Variants in ARAP2 observed in about 807,000 individuals in gnomAD.
ARAP2 encodes the protein arf-GAP with Rho-GAP domain, ANK repeat and PH domain-containing protein 2.
ARAP2 carries 148 observed loss-of-function variants against 194.5 expected under a neutral mutation model. The observed-to-expected ratio is 0.76, with a 90% CI of 0.67 to 0.87. ARAP2 has a LOEUF of 0.87. Ranked by LOEUF, ARAP2 falls within the 40% of genes least tolerant of loss-of-function variation. The pLI, the probability that ARAP2 is intolerant of heterozygous loss-of-function variation, is 0.00. For synonymous variants in ARAP2, 695 were observed against 683.5 expected (o/e 1.02, Z -0.26); for missense variants, 2,128 against 1,989.7 (o/e 1.07, Z -1.32).
Position 36,126,376 on chromosome 4 carries a change from A to C in ARAP2, c.3641-1409T>G, listed in dbSNP as rs185874694. On this transcript the variant is annotated intron_variant, in intron 21 of 32. Coordinates refer to ENST00000303965, the MANE Select transcript of ARAP2 (RefSeq NM_015230.4). ...AGATGATATTTTCAAAATAAAGCTA[A>C]ATAAATTGAAAGTAAAACTCAGGAA... Among the ~76,000 whole-genome samples the C allele has an allele frequency of 2.0e-5, 3 of 152,172 alleles. No homozygotes were observed. In the East Asian group the frequency reaches 5.8e-4, roughly 30 times the overall value.
In ARAP2 at chr4:36,136,003, C is replaced by G. The variant is rs997834940; in HGVS notation, c.3264-2614G>C. Among the ~76,000 whole-genome samples, 4 of 151,720 alleles carry G rather than the reference C, an allele frequency of 2.6e-5. 1 individual carries two copies. The highest frequency in any genetic ancestry group is 9.7e-5 in the African/African-American group (4 of 41,362). On this transcript the variant is annotated intron_variant, in intron 19 of 32. Coordinates refer to ENST00000303965, the MANE Select transcript of ARAP2 (RefSeq NM_015230.4). Reference sequence around the variant, plus strand: ...CACTGATGATGAGTTGAGCTGTCTCCTCATGAATTAGTGAAGAGTAGAACT... The same window carrying G: ...CACTGATGATGAGTTGAGCTGTCTCGTCATGAATTAGTGAAGAGTAGAACT...
chr4:36,052,395 T>C (rs1722809651), intron 2 of ARAP2, among the ~76,000 whole-genome samples: 1 of 152,218 alleles, frequency 6.6e-6, no homozygotes, highest in African/African-American at 2.4e-5. Flanking sequence ...CAAATCAATG[T>C]TAATTGAGTT....
At chr4:36,053,519 A>G (rs1447094496) in intron 2 of ARAP2, among the ~76,000 whole-genome samples, 1 of 152,190 alleles carries the variant, frequency 6.6e-6, no homozygotes, top group Non-Finnish European at 1.5e-5. Flanking sequence ...GATGTTTTCC[A>G]TCAAGATGCT....
At chr4:36,160,061 A>T (rs1188827831) in intron 13 of ARAP2, 1 of 975,178 alleles carries the variant, frequency 1.0e-6, no homozygotes, top group Admixed American at 6.1e-5. Flanking sequence ...TATGTTATAT[A>T]TCATCTTTGT....
intron 19 of ARAP2, among the ~76,000 whole-genome samples, chr4:36,145,256 G>A (rs1578059921): frequency 6.6e-6 from 1 of 151,832 alleles, no homozygotes; most frequent in African/African-American, 2.4e-5. Flanking sequence ...CTATTCACAA[G>A]AGTAAAGACG....
chr4:36,103,724 CCTAT>C (rs1356039379), intron 27 of ARAP2, among the ~76,000 whole-genome samples: 1 of 151,758 alleles, frequency 6.6e-6, no homozygotes, highest in Non-Finnish European at 1.5e-5. Context: ...CACACTTACT[CCTAT>C]CTAACTCTAT....
chr4:36,126,707 C>T (rs1723991678), intron 21 of ARAP2, among the ~76,000 whole-genome samples: 1 of 152,048 alleles, frequency 6.6e-6, no homozygotes, highest in Non-Finnish European at 1.5e-5. Context: ...ATAAATTCTC[C>T]AAGAACTCAC....
chr4:36,121,745 A>T (rs750233471), intron 22 of ARAP2, among the ~76,000 whole-genome samples: 2 of 151,760 alleles, frequency 1.3e-5, no homozygotes, highest in African/African-American at 2.4e-5. Context: ...CATTAGACAT[A>T]TAATTGACAG....
intron 19 of ARAP2, among the ~76,000 whole-genome samples, chr4:36,138,540 A>G (rs1727403665): frequency 6.6e-6 from 1 of 151,674 alleles, no homozygotes; most frequent in South Asian, 2.1e-4. Context: ...TGTTGTTAAT[A>G]TAGGTCCCTT....
At chr4:36,127,010 A>AT (rs962590576) in intron 21 of ARAP2, among the ~76,000 whole-genome samples, 1 of 151,912 alleles carries the variant, frequency 6.6e-6, no homozygotes, top group Admixed American at 6.6e-5. Flanking sequence ...TAACACTTCT[A>AT]TTTTTTGTGG....
At chr4:36,018,149 T>G (rs143039218) in intron 6 of ARAP2, among the ~76,000 whole-genome samples, 2 of 152,266 alleles carry the variant, frequency 1.3e-5, no homozygotes, top group African/African-American at 4.8e-5. Flanking sequence ...ATTGTGGCCA[T>G]GAAGTGTGTC....
intron 11 of ARAP2, among the ~76,000 whole-genome samples, chr4:36,164,559 CA>C (rs1734834206): frequency 6.6e-6 from 1 of 152,004 alleles, no homozygotes; most frequent in Admixed American, 6.6e-5. Context: ...TATGTCTTAC[CA>C]AAAATGACTG....
intron 2 of ARAP2, among the ~76,000 whole-genome samples, chr4:36,052,376 A>G (rs1722808370): frequency 6.6e-6 from 1 of 152,234 alleles, no homozygotes; most frequent in African/African-American, 2.4e-5. Flanking sequence ...CATAGTCTGC[A>G]GCAGTGGACA....
intron 9 of ARAP2, among the ~76,000 whole-genome samples, chr4:36,168,372 C>A (rs1169346718): frequency 6.6e-6 from 1 of 152,040 alleles, no homozygotes; most frequent in Non-Finnish European, 1.5e-5. Context: ...TCTAAGGATG[C>A]GAAAGTGAGG....
intron 25 of ARAP2, 61 bp from the exon 26 acceptor site, chr4:36,114,348 G>T: frequency 1.0e-6 from 1 of 998,816 alleles, no homozygotes. Flanking sequence ...CCTTATGCTA[G>T]GTCAATAATA....
In ARAP2 at chr4:36,159,431, C is replaced by T. The variant is rs373639251; in HGVS notation, c.2517G>A (p.Met839Ile). ...MALLFSGADVMCATGDPVHST... is the reference protein window; with the variant it reads ...MALLFSGADVICATGDPVHST... ...TATGCACGGGGTCTCCGGTGGCACA[C>T]ATGACATCTGCTCCACTGAACAGCA... The change falls in exon 14 of 33, where the codon ATG becomes ATA. Residue 839 changes from methionine to isoleucine, a missense_variant. Physicochemically the swap from Met to Ile is conservative, Grantham distance 10. Transcript: ENST00000303965. The T allele has an allele frequency of 5.0e-6, 8 of 1,611,540 alleles. No homozygotes were observed. Among genetic ancestry groups the T allele is most frequent in the Admixed American group, 3.3e-5 (2 of 59,864 alleles).
At chr4:36,213,347 A>G (rs781297355) in intron 3 of ARAP2, 28 bp from the exon 4 acceptor site, 1 of 1,475,652 alleles carries the variant, frequency 6.8e-7, no homozygotes, top group Non-Finnish European at 9.4e-7. Context: ...GGATGAGAAC[A>G]GAAAGATGTG....
At chr4:36,081,723 C>T (rs932845774) in intron 30 of ARAP2, among the ~76,000 whole-genome samples, 2 of 150,942 alleles carry the variant, frequency 1.3e-5, no homozygotes, top group Non-Finnish European at 2.9e-5. Flanking sequence ...AAGGCCAGGC[C>T]CTCAGGGTAG....
intron 6 of ARAP2, among the ~76,000 whole-genome samples, chr4:36,203,236 G>A (rs1744804454): frequency 6.6e-6 from 1 of 152,124 alleles, no homozygotes; most frequent in Non-Finnish European, 1.5e-5. Flanking sequence ...TCAAATAAAA[G>A]TCTACATCAT....
Sources: allele counts gnomAD v4.1 joint callset (sites outside exome capture counted in the v4.1 genomes callset), GRCh38; gene constraint gnomAD v4.1.1; transcripts MANE v1.5; gene names NCBI Gene and HGNC (gene_info 2026-07-23, HGNC 2026-07-21).